Variants in SH3GL2 observed in about 807,000 individuals in gnomAD.
The protein encoded by SH3GL2 is SH3 domain containing GRB2 like 2, endophilin A1.
A neutral mutation model predicts 46.0 loss-of-function variants in SH3GL2; 24 were observed. The ratio of observed to expected loss-of-function variants is 0.52; its 90% CI spans 0.38 to 0.73. The LOEUF (loss-of-function observed/expected upper bound fraction) is 0.73. SH3GL2 is among the 30% of genes least tolerant of loss of function. The pLI, the probability that SH3GL2 is intolerant of heterozygous loss-of-function variation, is 0.00. For synonymous variants in SH3GL2, 196 were observed against 147.1 expected, an observed-to-expected ratio of 1.33 and a Z score of -2.40; for missense variants, 413 against 424.2, an observed-to-expected ratio of 0.97 and a Z score of 0.23.
chr9:17,752,439 G>T (rs1378257113), intron 2 of SH3GL2, among the ~76,000 whole-genome samples: 2 of 152,118 alleles, frequency 1.3e-5, no homozygotes. Context: ...TGTTACCACT[G>T]TGAGTTACCC....
intron 1 of SH3GL2, among the ~76,000 whole-genome samples, chr9:17,738,147 A>G (rs991494885): frequency 2.0e-5 from 3 of 152,100 alleles, no homozygotes; most frequent in Non-Finnish European, 2.9e-5. Flanking sequence ...TAAAACCTTC[A>G]GTGCTTGCAA....
At chr9:17,603,560 G>T (rs568561364) in intron 1 of SH3GL2, among the ~76,000 whole-genome samples, 4 of 152,090 alleles carry the variant, frequency 2.6e-5, no homozygotes, top group African/African-American at 9.6e-5. Context: ...GGTGATGGTT[G>T]CATAAAACAT....
chr9:17,735,020 A>G (rs1312677381), intron 1 of SH3GL2, among the ~76,000 whole-genome samples: 2 of 152,138 alleles, frequency 1.3e-5, no homozygotes, highest in African/African-American at 2.4e-5. Context: ...CTAAAGGACA[A>G]GTAACTTCAA....
intron 8 of SH3GL2, among the ~76,000 whole-genome samples, chr9:17,793,899 TC>T (rs1478358274): frequency 6.6e-6 from 1 of 152,220 alleles, no homozygotes; most frequent in African/African-American, 2.4e-5. Context: ...GGACAGTGTG[TC>T]CCCACATGCA....
chr9:17,659,538 A>C (rs1010245245), intron 1 of SH3GL2, among the ~76,000 whole-genome samples: 6 of 152,104 alleles, frequency 3.9e-5, no homozygotes, highest in African/African-American at 1.4e-4. Flanking sequence ...GAAAATAGTT[A>C]AACTCTAGAT....
chr9:17,646,135 C>T (rs1819810966), intron 1 of SH3GL2, among the ~76,000 whole-genome samples: 1 of 151,734 alleles, frequency 6.6e-6, no homozygotes, highest in African/African-American at 2.4e-5. Flanking sequence ...TCTTCCATCT[C>T]TGATATCCTT....
chr9:17,612,297 G>A (rs1017209447), intron 1 of SH3GL2, among the ~76,000 whole-genome samples: 10 of 152,118 alleles, frequency 6.6e-5, no homozygotes, highest in African/African-American at 2.2e-4. Context: ...GCTCTGGTCA[G>A]ATTTTACAAC....
At chr9:17,580,661 T>G (rs538261430) in intron 1 of SH3GL2, among the ~76,000 whole-genome samples, 27 of 152,290 alleles carry the variant, frequency 1.8e-4, no homozygotes, top group African/African-American at 5.5e-4. Context: ...AGTAAGTGAT[T>G]TGTTTGTTGA....
intron 2 of SH3GL2, among the ~76,000 whole-genome samples, chr9:17,753,404 G>C (rs1281827317): frequency 1.3e-5 from 2 of 152,034 alleles, no homozygotes; most frequent in Non-Finnish European, 2.9e-5. Flanking sequence ...TTGTGGTTTT[G>C]ATTTGTGTTT....
chr9:17,712,975 T>C lies in SH3GL2; in HGVS notation c.46-34091T>C, dbSNP rs369629599. On this transcript the variant is annotated intron_variant, in intron 1 of 8. Coordinates refer to ENST00000380607, the MANE Select transcript of SH3GL2 (RefSeq NM_003026.5). ...TGTTCCTGATCATAGAGAAAAAGCA[T>C]TCAGTCTTTCACCATTAAGGATGAT... is the stretch of plus-strand genomic sequence containing the variant. Among the ~76,000 whole-genome samples, 25 of 151,692 alleles carry C rather than the reference T, an allele frequency of 1.6e-4. No individual in the cohort carries two copies. In the South Asian group the frequency reaches 5.2e-3, roughly 31 times the overall value.
At chr9:17,677,499 A>T (rs1820642189) in intron 1 of SH3GL2, among the ~76,000 whole-genome samples, 1 of 152,122 alleles carries the variant, frequency 6.6e-6, no homozygotes, top group South Asian at 2.1e-4. Flanking sequence ...AAATGAATGA[A>T]TGATTATTTT....
At chr9:17,778,325 T>C (rs1477383615) in intron 3 of SH3GL2, among the ~76,000 whole-genome samples, 1 of 152,150 alleles carries the variant, frequency 6.6e-6, no homozygotes, top group East Asian at 1.9e-4. Flanking sequence ...CCTGCCCTCA[T>C]GGAGCCTATA....
chr9:17,725,252 C>T (rs150670338), intron 1 of SH3GL2, among the ~76,000 whole-genome samples: 5 of 152,048 alleles, frequency 3.3e-5, no homozygotes, highest in African/African-American at 9.7e-5. Context: ...ACATTCCACT[C>T]GATTTACTCC....
chr9:17,645,996 C>T (rs1819807164), intron 1 of SH3GL2, among the ~76,000 whole-genome samples: 1 of 152,074 alleles, frequency 6.6e-6, no homozygotes, highest in African/African-American at 2.4e-5. Flanking sequence ...TTCCCCATCA[C>T]TTTCAGATAC....
chr9:17,787,147 A>C (rs1271410834), intron 4 of SH3GL2, among the ~76,000 whole-genome samples: 1 of 152,076 alleles, frequency 6.6e-6, no homozygotes, highest in Non-Finnish European at 1.5e-5. Context: ...GGAGCTTCCT[A>C]AATTGCTTCT....
chr9:17,718,318 A>G (rs564329477), intron 1 of SH3GL2, among the ~76,000 whole-genome samples: 2 of 152,288 alleles, frequency 1.3e-5, no homozygotes, highest in East Asian at 3.9e-4. Flanking sequence ...CAACGATATG[A>G]AAAACAAAAT....
At chr9:17,788,975 A>T (rs35911294) in intron 5 of SH3GL2, among the ~76,000 whole-genome samples, 41,063 of 152,086 alleles carry the variant, frequency 0.27, 6,349 homozygotes, top group African/African-American at 0.41. Flanking sequence ...TCAAGGAAAG[A>T]GTTTTTCCTC....
At chr9:17,588,721 C>T (rs1165606194) in intron 1 of SH3GL2, among the ~76,000 whole-genome samples, 2 of 152,114 alleles carry the variant, frequency 1.3e-5, no homozygotes, top group African/African-American at 4.8e-5. Flanking sequence ...CTTGTGAGGC[C>T]CTCAACAGGG....
rs74743571 is a variant in SH3GL2 at position 17,795,980 on chromosome 9, A to G, written c.*237A>G. 1.1e-4 allele frequency: 57 copies of G among 527,374 alleles called. No homozygotes were observed. The highest frequency in any genetic ancestry group is 9.8e-4 in the African/African-American group (52 of 53,104). 32.7% of individuals were successfully genotyped at this position (527,374 alleles called of 1,614,324 possible). On this transcript the variant is annotated 3_prime_UTR_variant, in exon 9 of 9. Coordinates refer to ENST00000380607, the MANE Select transcript of SH3GL2 (RefSeq NM_003026.5). ...TTTAAAACATCATCTGAGACCAGCC[A>G]GTAGTCACAGAACTGCTGTTTACAC...
Sources: gnomAD v4.1 joint callset for allele counts (sites outside exome capture counted in the v4.1 genomes callset) on GRCh38, gnomAD v4.1.1 for gene constraint, MANE v1.5 for transcripts, NCBI Gene and HGNC (gene_info 2026-07-23, HGNC 2026-07-21) for gene names.